CNTRL: variants seen among roughly 807,000 people sequenced by gnomAD.
CNTRL encodes the protein 110 kDa centrosomal protein.
In CNTRL, 233 loss-of-function variants were observed where a neutral mutation model predicts 303.7. The observed-to-expected ratio is 0.77, with a 90% CI of 0.69 to 0.86. CNTRL has a LOEUF of 0.86. CNTRL is among the 40% of genes least tolerant of loss of function. CNTRL has a pLI of 0.00. For missense variants in CNTRL, 2,524 were observed against 2,650.6 expected (o/e 0.95, Z 1.05); for synonymous variants, 900 against 922.2 (o/e 0.98, Z 0.44).
At chr9:121,175,260 C>A in intron 43 of CNTRL, 36 bp downstream of exon 43, 1 of 1,590,318 alleles carries the variant, frequency 6.3e-7, no homozygotes, top group Non-Finnish European at 8.6e-7. Context: ...AAAACAATAG[C>A]CTGAGGTTGT....
In CNTRL at chr9:121,090,420, A is replaced by C. The variant is rs775735949; in HGVS notation, c.348+15A>C. On this transcript the variant is annotated intron_variant, in intron 4 of 43. Transcript: ENST00000373855. ...AGAAATTTAAGGTAGGTTACCAACA[A>C]TTTCTGAGCATAGATACTGTTTTTA... is the stretch of plus-strand genomic sequence containing the variant. 1 of 1,605,704 alleles carries C rather than the reference A, an allele frequency of 6.2e-7. No homozygotes were observed. The highest frequency in any genetic ancestry group is 8.5e-7 in the Non-Finnish European group (1 of 1,177,276).
rs2049796624 is a variant in CNTRL, at chr9:121,112,606, C to T, written c.1122+28C>T. On this transcript the variant is annotated intron_variant, in intron 9 of 43. Transcript: ENST00000373855. ...GAGTTATTTTAATTTTTTAGTAATC[C>T]AAAGTTAAAGCCCACATGGGATGGA... 4 of 1,607,412 alleles carry T rather than the reference C, an allele frequency of 2.5e-6. No homozygotes were observed. In the African/African-American group the frequency reaches 4.0e-5, roughly 16 times the overall value.
At chr9:121,169,115 C>T (rs966245407) in intron 38 of CNTRL, among the ~76,000 whole-genome samples, 3 of 152,150 alleles carry the variant, frequency 2.0e-5, no homozygotes, top group African/African-American at 7.2e-5. Flanking sequence ...ATGTACCAGG[C>T]GTTTGCACAC....
chr9:121,088,547 T>C lies in CNTRL; in HGVS notation c.217+4T>C, dbSNP rs749201058. ...TTGGACTATCAAGACCATAAAGGTA[T>C]CACTTTTTAATCTAAGAATTGGTCT... On this transcript the variant is annotated splice_donor_region_variant and intron_variant, in intron 3 of 43. Coordinates refer to ENST00000373855, the MANE Select transcript of CNTRL (RefSeq NM_007018.6). 9 of 1,586,890 alleles carry C rather than the reference T, an allele frequency of 5.7e-6. No individual in the cohort carries two copies. The highest frequency in any genetic ancestry group is 5.4e-5 in the African/African-American group (4 of 74,418).
chr9:121,167,174 G>A (rs1427421610), intron 36 of CNTRL, among the ~76,000 whole-genome samples: 1 of 152,248 alleles, frequency 6.6e-6, no homozygotes, highest in South Asian at 2.1e-4. Context: ...AGCTGGGTAT[G>A]GTGGCATGTG....
At chr9:121,145,755 G>C (rs1462166406) in intron 22 of CNTRL, among the ~76,000 whole-genome samples, 3 of 152,062 alleles carry the variant, frequency 2.0e-5, no homozygotes, top group African/African-American at 7.2e-5. Flanking sequence ...AATTAGCTGG[G>C]CATGGAGGTG....
chr9:121,114,491 G>A (rs1048041196), intron 10 of CNTRL, among the ~76,000 whole-genome samples: 7 of 152,264 alleles, frequency 4.6e-5, no homozygotes, highest in Admixed American at 2.6e-4. Flanking sequence ...TTATGTCTGC[G>A]TATACTATAT....
intron 1 of CNTRL, among the ~76,000 whole-genome samples, chr9:121,077,355 A>G (rs2047965547): frequency 1.3e-5 from 2 of 151,666 alleles, no homozygotes; most frequent in Admixed American, 6.6e-5. Flanking sequence ...AGATCAAACT[A>G]CATCCTCATC....
At chr9:121,160,076 A>T (rs2052774086) in intron 31 of CNTRL, 67 bp from the exon 32 acceptor site, 1 of 1,176,312 alleles carries the variant, frequency 8.5e-7, no homozygotes, top group African/African-American at 1.6e-5. Context: ...TAAATAACAG[A>T]ACTTATTTTG....
intron 32 of CNTRL, chr9:121,161,567 C>G (rs759256205): frequency 1.9e-5 from 7 of 360,336 alleles, no homozygotes; most frequent in Non-Finnish European, 3.0e-5. Context: ...AGGCTAGTCT[C>G]AAACCCCTGG....
At chr9:121,132,169 G>C (rs2050902279) in intron 14 of CNTRL, among the ~76,000 whole-genome samples, 1 of 152,174 alleles carries the variant, frequency 6.6e-6, no homozygotes, top group Non-Finnish European at 1.5e-5. Context: ...GAATTTGAAT[G>C]TTGGCCTGCC....
chr9:121,150,704 G>C (rs2052183438), intron 25 of CNTRL: 1 of 510,968 alleles, frequency 2.0e-6, no homozygotes, highest in Non-Finnish European at 3.4e-6. Flanking sequence ...TGAGACAAGA[G>C]GATTGCTTGA....
intron 23 of CNTRL, among the ~76,000 whole-genome samples, 171 bp downstream of exon 23, chr9:121,146,427 G>A (rs1217976642): frequency 6.6e-6 from 1 of 152,184 alleles, no homozygotes; most frequent in East Asian, 1.9e-4. Context: ...GGGCCTTCTT[G>A]GGGAAGGTGA....
intron 8 of CNTRL, among the ~76,000 whole-genome samples, chr9:121,110,408 C>T (rs143402958): frequency 3.9e-5 from 6 of 152,048 alleles, no homozygotes; most frequent in Non-Finnish European, 7.4e-5. Context: ...AGAATAATGC[C>T]AATACTAAAA....
At chr9:121,123,432 A>C (rs2050342758) in intron 12 of CNTRL, among the ~76,000 whole-genome samples, 1 of 152,062 alleles carries the variant, frequency 6.6e-6, no homozygotes, top group Non-Finnish European at 1.5e-5. Context: ...AAAAACAACA[A>C]AAAGTAAAAA....
intron 25 of CNTRL, 92 bp from the exon 26 acceptor site, chr9:121,152,393 C>A: frequency 9.3e-7 from 1 of 1,078,556 alleles, no homozygotes; most frequent in Non-Finnish European, 1.4e-6. Flanking sequence ...ATTGATACCA[C>A]TTTAACCACA....
chr9:121,117,974 G>A (rs545092607), intron 11 of CNTRL, among the ~76,000 whole-genome samples: 24 of 149,384 alleles, frequency 1.6e-4, no homozygotes, highest in Middle Eastern at 3.4e-3. Context: ...GCAAGACTCC[G>A]TCTCAAAAAA....
chr9:121,095,704 A>C (rs1315458834), intron 5 of CNTRL, among the ~76,000 whole-genome samples: 1 of 152,242 alleles, frequency 6.6e-6, no homozygotes, highest in Admixed American at 6.5e-5. Context: ...CCAAACCCTT[A>C]TTATAAAATT....
chr9:121,168,408 C>T (rs1280853859), intron 38 of CNTRL, 87 bp downstream of exon 38: 2 of 1,171,738 alleles, frequency 1.7e-6, no homozygotes, highest in Non-Finnish European at 2.5e-6. Flanking sequence ...GAGATCCGGA[C>T]CCCAGCCAGA....
Sources: allele counts gnomAD v4.1 joint callset (sites outside exome capture counted in the v4.1 genomes callset), GRCh38; gene constraint gnomAD v4.1.1; transcripts MANE v1.5; gene names NCBI Gene and HGNC (gene_info 2026-07-23, HGNC 2026-07-21).